AKAP8: variants seen among roughly 807,000 people sequenced by gnomAD.
The protein encoded by AKAP8 is A-kinase anchor protein 8.
AKAP8 carries 24 observed loss-of-function variants against 67.5 expected under a neutral mutation model. The observed-to-expected ratio is 0.36, with a 90% confidence interval of 0.26 to 0.50. The LOEUF is 0.50. AKAP8 is among the 20% of genes least tolerant of loss of function. AKAP8 has a pLI of 0.97. For synonymous variants in AKAP8, 400 were observed against 371.1 expected, an observed-to-expected ratio of 1.08 and a Z score of -0.90; for missense variants, 971 against 955.9, an observed-to-expected ratio of 1.02 and a Z score of -0.21.
At position 15,360,838 on chromosome 19, in the gene AKAP8, G is replaced by C. The variant is rs1255076835; in HGVS notation, c.1527+10C>G. On this transcript the variant is annotated intron_variant, in intron 12 of 13. Transcript: ENST00000269701. ...TGAGCACCCCAGGCAGTGTGGGGAG[G>C]AAGACTCACCCTGCGGTTGTGATTG... is the stretch of plus-strand genomic sequence containing the variant. 2.2e-5 allele frequency: 36 copies of C among 1,611,064 alleles called. No homozygotes were observed. The highest frequency in any genetic ancestry group is 3.0e-5 in the Non-Finnish European group (35 of 1,178,650).
At position 15,371,783 on chromosome 19, in the gene AKAP8, C is replaced by T. The variant is rs142347908; in HGVS notation, c.1038+169G>A. Reference sequence around the variant, plus strand: ...GGATTACAGGTGTGAGCCACCGTGCCGGCTAAGGTGGAAAACTTTTAGAAA... The same window carrying T: ...GGATTACAGGTGTGAGCCACCGTGCTGGCTAAGGTGGAAAACTTTTAGAAA... On this transcript the variant is annotated intron_variant, in intron 7 of 13. Coordinates refer to ENST00000269701, the MANE Select transcript of AKAP8 (RefSeq NM_005858.4). 5.9e-4 allele frequency among the ~76,000 whole-genome samples: 90 copies of T among 152,226 alleles called. 1 individual carries two copies. The highest frequency in any genetic ancestry group is 4.1e-3 in the East Asian group (21 of 5,170).
chr19:15,372,645 T>C (rs556076797), intron 5 of AKAP8, among the ~76,000 whole-genome samples: 23 of 152,244 alleles, frequency 1.5e-4, no homozygotes, highest in African/African-American at 4.6e-4. Flanking sequence ...GGGTGACTAA[T>C]GAGAAGAAGT....
At chr19:15,367,506 CGACAGAGCAA>C (rs1967089736) in intron 9 of AKAP8, among the ~76,000 whole-genome samples, 1 of 152,008 alleles carries the variant, frequency 6.6e-6, no homozygotes, top group South Asian at 2.1e-4. Context: ...CCAGCCTGGG[CGACAGAGCAA>C]GACTCCATCT....
intron 1 of AKAP8, chr19:15,379,436 C>G (rs1967329511): frequency 4.4e-6 from 2 of 452,364 alleles, no homozygotes; most frequent in African/African-American, 2.1e-5. Context: ...CCCACACTGT[C>G]TAAGACGCCC....
chr19:15,361,105 T>C (rs1047972003), intron 11 of AKAP8, 127 bp from the exon 12 acceptor site: 1 of 1,199,776 alleles, frequency 8.3e-7, no homozygotes. Context: ...TGCCTTTCTA[T>C]GGGGAGTATG....
Position 15,364,158 on chromosome 19 carries a change from CTT to C in AKAP8, c.1161-1909_1161-1908del, listed in dbSNP as rs34132091. 5.4e-3 allele frequency among the ~76,000 whole-genome samples: 231 copies of C among 42,542 alleles called. 2 individuals carry two copies. The highest frequency in any genetic ancestry group is 0.053 in the South Asian group (50 of 952). 27.9% of individuals were successfully genotyped at this position (42,542 alleles called of 152,430 possible). ...GATTTTCAGTAATTTTTTTTCTTTC[CTT>C]TTTTTTTTTTTTTTTTTGGAGATGG... On this transcript the variant is annotated intron_variant, in intron 9 of 13. Coordinates refer to ENST00000269701, the MANE Select transcript of AKAP8 (RefSeq NM_005858.4).
rs143239866 is a variant in AKAP8 at position 15,354,021 on chromosome 19, CTTTTT to C, written c.*889_*893del. On this transcript the variant is annotated 3_prime_UTR_variant, in exon 14 of 14. Transcript: ENST00000269701. ...TGGCAATCACATCAAGTTTTCTTTC[CTTTTT>C]TTTTAAGAGATGGGGTCTTGCTATG... is the stretch of plus-strand genomic sequence containing the variant. 1 of 148,792 alleles carries C rather than the reference CTTTTT, an allele frequency of 6.7e-6. No homozygotes were observed. The highest frequency in any genetic ancestry group is 2.5e-5 in the African/African-American group (1 of 40,252). 9.2% of individuals were successfully genotyped at this position (148,792 alleles called of 1,614,324 possible).
At chr19:15,372,451 G>A (rs1304871767) in intron 5 of AKAP8, 104 bp from the exon 6 acceptor site, 44 of 1,457,052 alleles carry the variant, frequency 3.0e-5, no homozygotes, top group Non-Finnish European at 4.1e-5. Context: ...AGGCACAAAA[G>A]GTCTTTTCAA....
At chr19:15,373,584 A>C in intron 4 of AKAP8, 1 of 916,474 alleles carries the variant, frequency 1.1e-6, no homozygotes, top group Non-Finnish European at 1.6e-6. Context: ...AGCTTAGCCA[A>C]CAACCACGCC....
chr19:15,362,103 C>T lies in AKAP8; in HGVS notation c.1302+7G>A, dbSNP rs1966976540. 3 of 1,613,658 alleles carry T rather than the reference C, an allele frequency of 1.9e-6. No individual in the cohort carries two copies. Among genetic ancestry groups the T allele is most frequent in the Non-Finnish European group, 2.5e-6 (3 of 1,179,866 alleles). ...AGACGCGGTGACGGGGCCCAGGTTT[C>T]CTTTACCTGGAGGAACTCCACGGTC... On this transcript the variant is annotated splice_region_variant and intron_variant, in intron 10 of 13. Transcript: ENST00000269701.
intron 3 of AKAP8, 61 bp from the exon 4 acceptor site, chr19:15,374,126 C>T: frequency 6.6e-7 from 1 of 1,511,592 alleles, no homozygotes; most frequent in Non-Finnish European, 8.8e-7. Context: ...CCATGGTGGA[C>T]ACAACCGGGG....
At chr19:15,370,061 C>A in intron 8 of AKAP8, 85 bp downstream of exon 8, 1 of 1,551,028 alleles carries the variant, frequency 6.4e-7, no homozygotes, top group Middle Eastern at 1.7e-4. Flanking sequence ...TCCATCCAGG[C>A]CCCTGGCTTG....
At position 15,379,705 on chromosome 19, in the gene AKAP8, A is replaced by G. The variant is rs1472056817; in HGVS notation, c.19+8T>C. The G allele has an allele frequency of 1.2e-6, 2 of 1,609,716 alleles. No homozygotes were observed. The highest frequency in any genetic ancestry group is 3.4e-5 in the Admixed American group (2 of 59,554). On this transcript the variant is annotated splice_region_variant and intron_variant, in intron 1 of 13. Transcript: ENST00000269701. ...CTCCCCGCTCCGCACCCAGCAGCCA[A>G]CACAAACCTCCGTAGCCCTGGTCCA... is the stretch of plus-strand genomic sequence containing the variant.
rs141396367 is a variant in AKAP8, at chr19:15,359,962, C to T, written c.1527+886G>A. 2.4e-3 allele frequency among the ~76,000 whole-genome samples: 368 copies of T among 151,766 alleles called. 1 individual carries two copies. The highest frequency in any genetic ancestry group is 8.5e-3 in the African/African-American group (352 of 41,366). On this transcript the variant is annotated intron_variant, in intron 12 of 13. Transcript: ENST00000269701. Reference sequence around the variant, plus strand: ...CAGCCTGGCCAACATGGTGAAACCCCGTCTCTATTAAAAATACAAAAAATT... The same window carrying T: ...CAGCCTGGCCAACATGGTGAAACCCTGTCTCTATTAAAAATACAAAAAATT...
At chr19:15,357,688 A>G (rs1163707983) in intron 13 of AKAP8, among the ~76,000 whole-genome samples, 1 of 148,184 alleles carries the variant, frequency 6.7e-6, no homozygotes, top group Non-Finnish European at 1.5e-5. Flanking sequence ...TAAAATATAC[A>G]TCAGTCATGT....
In AKAP8 at chr19:15,372,296, G is replaced by A. The variant is rs562521789; in HGVS notation, c.913C>T (p.Arg305Trp). 1.2e-5 allele frequency: 19 copies of A among 1,614,158 alleles called. No homozygotes were observed. Among genetic ancestry groups the A allele is most frequent in the Middle Eastern group, 1.6e-4 (1 of 6,062 alleles). ...RFGPDGTGRK[R>W]KQFQLYEEPD... ...TCCTCGTAAAGTTGGAACTGCTTCC[G>A]TTTCCTGCCCGTGCCATCTGGTCCG... is the stretch of plus-strand genomic sequence containing the variant. The change falls in exon 6 of 14, where the codon CGG becomes TGG. Residue 305 changes from arginine to tryptophan, a missense_variant. Arg to Trp is a moderately radical substitution (Grantham distance 101, BLOSUM62 -3). Transcript: ENST00000269701.
intron 4 of AKAP8, 150 bp from the exon 5 acceptor site, chr19:15,373,490 A>C: frequency 1.2e-5 from 15 of 1,208,864 alleles, no homozygotes; most frequent in Non-Finnish European, 1.7e-5. Flanking sequence ...AAACTGACCA[A>C]CACCCTCCCT....
Position 15,372,285 on chromosome 19 carries a change from G to A in AKAP8, c.924C>T (p.Phe308=). 2 of 1,614,144 alleles carry A rather than the reference G, an allele frequency of 1.2e-6. No homozygotes were observed. The highest frequency in any genetic ancestry group is 1.1e-5 in the South Asian group (1 of 91,082). The stretch of plus-strand genomic sequence containing the variant: ...TGGTGTCTGGCTCCTCGTAAAGTTG[G>A]AACTGCTTCCGTTTCCTGCCCGTGC... ...PDGTGRKRKQ[F]QLYEEPDTKL... The change falls in exon 6 of 14, where the codon TTC becomes TTT. Residue 308 remains phenylalanine (F), a synonymous_variant. Coordinates refer to ENST00000269701, the MANE Select transcript of AKAP8 (RefSeq NM_005858.4).
chr19:15,363,287 C>T (rs1181781135), intron 9 of AKAP8, among the ~76,000 whole-genome samples: 3 of 149,688 alleles, frequency 2.0e-5, no homozygotes, highest in Non-Finnish European at 4.5e-5. Context: ...GCGCCTCTGC[C>T]CAGCCGCCCC....
Sources: allele counts gnomAD v4.1 joint callset (sites outside exome capture counted in the v4.1 genomes callset), GRCh38; gene constraint gnomAD v4.1.1; transcripts MANE v1.5; gene names NCBI Gene and HGNC (gene_info 2026-07-23, HGNC 2026-07-21).